U2AF1L4: variants seen among roughly 807,000 people sequenced by gnomAD.
U2AF1L4 encodes U2 small nuclear RNA auxiliary factor 1 like 4.
A neutral mutation model predicts 21.7 loss-of-function variants in U2AF1L4; 21 were observed. That is an observed-to-expected ratio of 0.97 (90% confidence interval 0.69 to 1.39). U2AF1L4 has a LOEUF of 1.39. U2AF1L4 is among the 40% of genes most tolerant of loss of function. The probability of loss-of-function intolerance (pLI) is 0.00; values close to 1 mark genes in which losing one functional copy is unlikely to be tolerated. For synonymous variants in U2AF1L4, 92 were observed against 89.7 expected (o/e 1.03, Z -0.15); for missense variants, 259 against 245.7 (o/e 1.05, Z -0.36).
chr19:35,744,333 ACGTTGC>A lies in U2AF1L4; in HGVS notation c.215_220del (p.Gly72_Asn73del). The A allele has an allele frequency of 6.2e-7, 1 of 1,614,042 alleles. No individual in the cohort carries two copies. The highest frequency in any genetic ancestry group is 1.6e-4 in the Middle Eastern group (1 of 6,062). ...GGGGGCAGCAAGCACCTTGACATAG[ACGTTGC>A]CCACGAGGTGGTCCCCAAGGTTGTC... On this transcript the variant is annotated inframe_deletion, in exon 3 of 6. Coordinates refer to ENST00000378975, the MANE Select transcript of U2AF1L4 (RefSeq NM_001040425.3).
chr19:35,742,646 AGG>A lies in U2AF1L4; in HGVS notation c.*71_*72del, dbSNP rs1391531085. The stretch of plus-strand genomic sequence containing the variant: ...TGGGAAGGATGGGGCAGGAGAGTGA[AGG>A]GGGCTTTGAGGAGAGGTCCTGCCAG... On this transcript the variant is annotated 3_prime_UTR_variant, in exon 6 of 6. Transcript: ENST00000378975. 6.2e-7 allele frequency: 1 copy of A among 1,613,466 alleles called. No homozygotes were observed. The highest frequency in any genetic ancestry group is 8.5e-7 in the Non-Finnish European group (1 of 1,179,958).
intron 5 of U2AF1L4, 103 bp downstream of exon 5, chr19:35,743,706 A>G: frequency 1.0e-6 from 1 of 972,514 alleles, no homozygotes; most frequent in Non-Finnish European, 1.5e-6. Context: ...AAAAAAAAAA[A>G]AAGATTCTTG....
rs544561816 is a variant in U2AF1L4 at position 35,742,726 on chromosome 19, C to T, written c.539G>A (p.Arg180His). 23 of 1,610,092 alleles carry T rather than the reference C, an allele frequency of 1.4e-5. No individual in the cohort carries two copies. The highest frequency in any genetic ancestry group is 1.3e-4 in the South Asian group (12 of 90,842). Reference protein sequence around the residue: ...HRCSPDHWHGRF With the variant: ...HRCSPDHWHGHF ...GGTAAGGGGGCCAGGGCCTCAGAAG[C>T]GGCCATGCCAGTGATCAGGGGAACA... Residue 180 changes from arginine to histidine, a missense_variant, in exon 6 of 6, where the codon CGC becomes CAC. Arg to His is a conservative substitution (Grantham distance 29). Coordinates refer to ENST00000378975, the MANE Select transcript of U2AF1L4 (RefSeq NM_001040425.3).
intron 5 of U2AF1L4, chr19:35,743,062 T>C: frequency 1.8e-6 from 1 of 561,636 alleles, no homozygotes. Flanking sequence ...AGCTCAGAAC[T>C]ACTCTTAGGG....
At chr19:35,744,493 C>T in intron 2 of U2AF1L4, 72 bp from the exon 3 acceptor site, 2 of 1,612,516 alleles carry the variant, frequency 1.2e-6, no homozygotes, top group Non-Finnish European at 8.5e-7. Flanking sequence ...ACCCTCACCT[C>T]GAAGAAGCTA....
At position 35,742,764 on chromosome 19, in the gene U2AF1L4, C is replaced by G; in HGVS notation, c.501G>C (p.Glu167Asp). The change falls in exon 6 of 6, where the codon GAG becomes GAC. Residue 167 changes from glutamate to aspartate, a missense_variant. Glu to Asp is a conservative substitution (Grantham distance 45). Coordinates refer to ENST00000378975, the MANE Select transcript of U2AF1L4 (RefSeq NM_001040425.3). ...GATCAGGGGAACACCGATGGTTCCT[C>G]TCTCGGGGATGGTGGCCAGTATGGA... ...PRFHTGHHPR[E>D]RNHRCSPDHW... The G allele has an allele frequency of 6.2e-7, 1 of 1,610,550 alleles. No individual in the cohort carries two copies. Among genetic ancestry groups the G allele is most frequent in the African/African-American group, 1.3e-5 (1 of 74,758 alleles).
chr19:35,745,074 G>A (rs1295338456), intron 2 of U2AF1L4, 51 bp downstream of exon 2: 5 of 1,562,726 alleles, frequency 3.2e-6, no homozygotes, highest in Non-Finnish European at 4.4e-6. Flanking sequence ...GGCCCCAGAA[G>A]GGGAAGGGCC....
chr19:35,744,441 A>G lies in U2AF1L4; in HGVS notation c.133-20T>C, dbSNP rs370911168. 3.3e-5 allele frequency: 53 copies of G among 1,613,100 alleles called. No homozygotes were observed. The highest frequency in any genetic ancestry group is 4.1e-5 in the Non-Finnish European group (48 of 1,179,280). ...CACCTCCTGTGGAAGACGGGGAGGA[A>G]CTCAGCTGAGCTCCCACAAGAAACC... is the stretch of plus-strand genomic sequence containing the variant. On this transcript the variant is annotated intron_variant, in intron 2 of 5. Coordinates refer to ENST00000378975, the MANE Select transcript of U2AF1L4 (RefSeq NM_001040425.3).
At chr19:35,744,800 A>G (rs1270368695) in intron 2 of U2AF1L4, 9 of 1,293,580 alleles carry the variant, frequency 7.0e-6, no homozygotes, top group Non-Finnish European at 9.7e-6. Flanking sequence ...CAGCCTAAGC[A>G]TCATGAGTGC....
chr19:35,743,686 CAAAAAAAAAA>C, intron 5 of U2AF1L4, 113 bp downstream of exon 5: 1 of 491,364 alleles, frequency 2.0e-6, no homozygotes. Context: ...GGCTCCATCT[CAAAAAAAAAA>C]AAAAAAAAAA....
chr19:35,743,651 C>A (rs1210280401), intron 5 of U2AF1L4, 158 bp downstream of exon 5: 1 of 709,104 alleles, frequency 1.4e-6, no homozygotes. Flanking sequence ...GGTGCCAATG[C>A]ACTCCAGCCT....
intron 3 of U2AF1L4, 48 bp downstream of exon 3, chr19:35,744,275 C>A (rs1970448058): frequency 9.3e-6 from 15 of 1,610,114 alleles, no homozygotes; most frequent in Non-Finnish European, 1.3e-5. Context: ...CACCATCAGG[C>A]ATTGAAACGC....
Sources: gnomAD v4.1 joint callset for allele counts on GRCh38, gnomAD v4.1.1 for gene constraint, MANE v1.5 for transcripts, NCBI Gene and HGNC (gene_info 2026-07-23, HGNC 2026-07-21) for gene names.